Variants in MCTP1 observed in about 807,000 individuals in gnomAD.
MCTP1 encodes multiple C2 and transmembrane domain-containing protein 1.
Under a neutral mutation model 120.6 loss-of-function variants are expected in MCTP1, and 69 were observed. The observed-to-expected ratio is 0.57, with a 90% CI of 0.47 to 0.70. The LOEUF (loss-of-function observed/expected upper bound fraction) is 0.70. MCTP1 is among the 30% of genes least tolerant of loss of function. MCTP1 has a pLI of 0.00. For missense variants in MCTP1, 1,203 were observed against 1,248.8 expected (o/e 0.96, Z 0.55); for synonymous variants, 529 against 493.1 (o/e 1.07, Z -0.96).
chr5:95,238,495 A>G (rs1755802296), intron 1 of MCTP1, among the ~76,000 whole-genome samples: 1 of 152,150 alleles, frequency 6.6e-6, no homozygotes, highest in Non-Finnish European at 1.5e-5. Context: ...ACTCCTAAAC[A>G]TCACAAAAAA....
At chr5:94,761,772 C>G (rs1367499171) in intron 19 of MCTP1, among the ~76,000 whole-genome samples, 1 of 152,170 alleles carries the variant, frequency 6.6e-6, no homozygotes, top group African/African-American at 2.4e-5. Flanking sequence ...TTGAATTACC[C>G]TTTCCTTAAA....
At chr5:95,272,764 G>C (rs533818685) in intron 1 of MCTP1, among the ~76,000 whole-genome samples, 2 of 152,196 alleles carry the variant, frequency 1.3e-5, no homozygotes, top group African/African-American at 4.8e-5. Context: ...GAGAAAGCAA[G>C]GAAATCACAA....
intron 2 of MCTP1, among the ~76,000 whole-genome samples, chr5:95,007,747 C>A (rs1160683158): frequency 1.3e-5 from 2 of 152,186 alleles, no homozygotes; most frequent in Non-Finnish European, 2.9e-5. Flanking sequence ...TGAAACTTCA[C>A]TGGGGGTAAA....
At chr5:94,817,487 TA>T (rs1784720969) in intron 17 of MCTP1, among the ~76,000 whole-genome samples, 1 of 152,166 alleles carries the variant, frequency 6.6e-6, no homozygotes, top group Non-Finnish European at 1.5e-5. Context: ...TGCTACCTCT[TA>T]ACCTTTGAAC....
intron 19 of MCTP1, among the ~76,000 whole-genome samples, chr5:94,742,036 C>T (rs1040621895): frequency 2.6e-5 from 4 of 152,056 alleles, no homozygotes; most frequent in African/African-American, 7.2e-5. Context: ...AGTGTTTGAA[C>T]GACACTGTAT....
chr5:94,782,924 G>A (rs974954520), intron 18 of MCTP1, among the ~76,000 whole-genome samples: 8 of 151,992 alleles, frequency 5.3e-5, no homozygotes, highest in African/African-American at 1.7e-4. Flanking sequence ...ATCACAGATC[G>A]GCTCTAGAAT....
intron 19 of MCTP1, among the ~76,000 whole-genome samples, chr5:94,732,615 A>C (rs941704762): frequency 6.6e-6 from 1 of 152,134 alleles, no homozygotes; most frequent in African/African-American, 2.4e-5. Flanking sequence ...CAATCTTATG[A>C]TATTTGGAGG....
chr5:94,788,595 AAC>A (rs1365518493), intron 18 of MCTP1, among the ~76,000 whole-genome samples: 1 of 152,174 alleles, frequency 6.6e-6, no homozygotes, highest in East Asian at 1.9e-4. Flanking sequence ...CCAAACAGAG[AAC>A]AATGATCAAG....
intron 17 of MCTP1, among the ~76,000 whole-genome samples, chr5:94,800,055 T>C (rs1015864212): frequency 6.6e-6 from 1 of 152,170 alleles, no homozygotes; most frequent in African/African-American, 2.4e-5. Flanking sequence ...TAACTAGCCA[T>C]ATAACTTTCA....
chr5:94,925,755 G>C (rs1812933336), intron 6 of MCTP1, among the ~76,000 whole-genome samples: 2 of 152,088 alleles, frequency 1.3e-5, no homozygotes. Context: ...CCAGCAAAGG[G>C]AAACAGAACA....
At chr5:94,849,530 T>C (rs1163048875) in intron 17 of MCTP1, among the ~76,000 whole-genome samples, 1 of 152,146 alleles carries the variant, frequency 6.6e-6, no homozygotes, top group African/African-American at 2.4e-5. Context: ...CCTCCATCTC[T>C]GTCTCACAGG....
chr5:95,161,252 T>C (rs1745705953), intron 1 of MCTP1, among the ~76,000 whole-genome samples: 1 of 152,112 alleles, frequency 6.6e-6, no homozygotes, highest in Non-Finnish European at 1.5e-5. Flanking sequence ...AATAGGATAG[T>C]ATTCGGCCTC....
chr5:95,070,935 G>C (rs984776344), intron 1 of MCTP1, among the ~76,000 whole-genome samples: 6 of 152,152 alleles, frequency 3.9e-5, no homozygotes, highest in African/African-American at 1.4e-4. Flanking sequence ...CAGTGGGGAG[G>C]TGGCAATGTA....
chr5:94,712,526 T>A (rs2152545433), intron 20 of MCTP1, among the ~76,000 whole-genome samples: 1 of 152,260 alleles, frequency 6.6e-6, no homozygotes, highest in East Asian at 1.9e-4. Context: ...GTTCCTTACC[T>A]TTGTGGCATG....
At chr5:95,212,337 C>A (rs1582548231) in intron 1 of MCTP1, among the ~76,000 whole-genome samples, 1 of 152,112 alleles carries the variant, frequency 6.6e-6, no homozygotes, top group Non-Finnish European at 1.5e-5. Context: ...TCTGAATAGA[C>A]CAATAACAGG....
chr5:94,916,161 TG>T (rs1392583342), intron 8 of MCTP1, among the ~76,000 whole-genome samples: 1 of 152,206 alleles, frequency 6.6e-6, no homozygotes, highest in Non-Finnish European at 1.5e-5. Flanking sequence ...TGCATAGTCA[TG>T]AAACTGTTAA....
At chr5:95,260,058 T>A (rs201979713) in intron 1 of MCTP1, among the ~76,000 whole-genome samples, 3 of 152,200 alleles carry the variant, frequency 2.0e-5, no homozygotes, top group African/African-American at 7.2e-5. Context: ...GTGTGGTTTT[T>A]ATTAATTGTG....
At chr5:94,737,713 T>TA (rs145453568) in intron 19 of MCTP1, among the ~76,000 whole-genome samples, 4,151 of 152,322 alleles carry the variant, frequency 0.027, 88 homozygotes, top group African/African-American at 0.056. Context: ...TCTCACTCTG[T>TA]AGCTCAAGCT....
chr5:95,120,033 C>T (rs772290863), intron 1 of MCTP1, among the ~76,000 whole-genome samples: 2 of 151,674 alleles, frequency 1.3e-5, no homozygotes, highest in African/African-American at 2.4e-5. Context: ...AAAAATTAGC[C>T]GGGCATGGTG....
Sources: allele counts gnomAD v4.1 joint callset (sites outside exome capture counted in the v4.1 genomes callset), GRCh38; gene constraint gnomAD v4.1.1; transcripts MANE v1.5; gene names NCBI Gene and HGNC (gene_info 2026-07-23, HGNC 2026-07-21).